Variants in DNAH17 observed in about 807,000 individuals in gnomAD.
The protein encoded by DNAH17 is axonemal beta dynein heavy chain 17.
A neutral mutation model predicts 485.6 loss-of-function variants in DNAH17; 376 were observed. The observed-to-expected ratio is 0.77, with a 90% CI of 0.71 to 0.84. DNAH17 has a LOEUF of 0.84. DNAH17 is among the 40% of genes least tolerant of loss of function. The pLI is 0.00. For synonymous variants in DNAH17, 3,031 were observed against 2,405.9 expected (o/e 1.26, Z -7.60); for missense variants, 6,370 against 5,839.3 (o/e 1.09, Z -2.96).
chr17:78,575,337 AC>A (rs2092418404), intron 1 of DNAH17, among the ~76,000 whole-genome samples: 1 of 152,210 alleles, frequency 6.6e-6, no homozygotes, highest in African/African-American at 2.4e-5. Context: ...CAATCCTGTG[AC>A]CATAAAGTTC....
intron 49 of DNAH17, among the ~76,000 whole-genome samples, chr17:78,480,201 T>C (rs887473505): frequency 3.3e-5 from 5 of 151,804 alleles, no homozygotes; most frequent in Non-Finnish European, 5.9e-5. Flanking sequence ...ATACAAAAAT[T>C]AGCCAGGTGT....
intron 46 of DNAH17, 74 bp from the exon 47 acceptor site, chr17:78,485,831 G>T: frequency 6.3e-7 from 1 of 1,581,240 alleles, no homozygotes; most frequent in Non-Finnish European, 8.6e-7. Flanking sequence ...TGCAGGCCAT[G>T]TTCTACCGAA....
intron 12 of DNAH17, 90 bp downstream of exon 12, chr17:78,561,625 G>A: frequency 7.7e-6 from 11 of 1,427,060 alleles, no homozygotes; most frequent in African/African-American, 1.4e-5. Flanking sequence ...TCGACAGGAG[G>A]GGTGGTCCCG....
intron 25 of DNAH17, among the ~76,000 whole-genome samples, chr17:78,523,482 T>G (rs947675844): frequency 2.0e-5 from 3 of 152,146 alleles, no homozygotes; most frequent in Non-Finnish European, 2.9e-5. Context: ...TATTTTATTT[T>G]TACAAGGGAC....
At chr17:78,559,493 C>T (rs370205969) in intron 13 of DNAH17, among the ~76,000 whole-genome samples, 6 of 152,282 alleles carry the variant, frequency 3.9e-5, no homozygotes, top group African/African-American at 1.4e-4. Flanking sequence ...TATTCAAGTC[C>T]AGAAGCTCAC....
At chr17:78,443,615 T>C (rs902791121) in intron 71 of DNAH17, among the ~76,000 whole-genome samples, 4 of 152,138 alleles carry the variant, frequency 2.6e-5, no homozygotes, top group Non-Finnish European at 5.9e-5. Context: ...AGTGGCACAA[T>C]CTCGGCCCAC....
chr17:78,434,064 TGATGGA>T lies in DNAH17; in HGVS notation c.12184_12189del (p.Ser4062_Ile4063del), dbSNP rs769547563. The T allele has an allele frequency of 6.2e-7, 1 of 1,612,810 alleles. No individual in the cohort carries two copies. Among genetic ancestry groups the T allele is most frequent in the East Asian group, 2.2e-5 (1 of 44,838 alleles). On this transcript the variant is annotated inframe_deletion, in exon 75 of 81. Coordinates refer to ENST00000389840, the MANE Select transcript of DNAH17 (RefSeq NM_173628.4). Reference sequence around the variant, plus strand: ...GCCTCCAGGTAGTTGTAGAGCACGTTGATGGAGATGGTGAGGTCCCCGTTGTTGAAG... The same window carrying T: ...GCCTCCAGGTAGTTGTAGAGCACGTTGATGGTGAGGTCCCCGTTGTTGAAG...
At chr17:78,539,597 G>C in intron 18 of DNAH17, 140 bp downstream of exon 18, 1 of 786,982 alleles carries the variant, frequency 1.3e-6, no homozygotes, top group South Asian at 2.7e-5. Context: ...TTTAAAACCA[G>C]GTCAAGTAGA....
At chr17:78,492,841 G>T (rs541380728) in intron 41 of DNAH17, 76 bp from the exon 42 acceptor site, 264 of 1,128,084 alleles carry the variant, frequency 2.3e-4, no homozygotes, top group Non-Finnish European at 2.2e-4. Context: ...CAGGACCATG[G>T]GTGGGCCTGG....
In DNAH17 at chr17:78,427,212, A is replaced by C; in HGVS notation, c.12589-104T>G. 4 of 1,142,666 alleles carry C rather than the reference A, an allele frequency of 3.5e-6. No homozygotes were observed. In the South Asian group the frequency reaches 4.2e-5, roughly 12 times the overall value. The allele number at this position is 1,142,666 out of a possible 1,614,324, so 70.8% of individuals were successfully genotyped here. On this transcript the variant is annotated intron_variant, in intron 77 of 80. Transcript: ENST00000389840. ...AAATGTTCCCAGCCCCAAGTCCTGG[A>C]GAGGAGGGAAGAGGCAAGTAGAGTT...
chr17:78,533,779 G>A (rs1031100755), intron 19 of DNAH17, among the ~76,000 whole-genome samples: 9 of 152,116 alleles, frequency 5.9e-5, no homozygotes, highest in Admixed American at 2.0e-4. Flanking sequence ...CTGCCTCCCA[G>A]GTTCAAGTGA....
In DNAH17 at chr17:78,468,659, T is replaced by C. The variant is rs865813855; in HGVS notation, c.8736A>G (p.Thr2912=). Residue 2912 remains threonine, a synonymous_variant, in exon 55 of 81, where the codon ACA becomes ACG. Transcript: ENST00000389840. The stretch of plus-strand genomic sequence containing the variant: ...CTTTTTCGATGAAGAACTTCCAACA[T>C]GTTTCCCGAGTGTCATTCATGCCAA... ...KSLGMNDTRE[T]CWKFFIEKVR... The C allele has an allele frequency of 6.8e-6, 11 of 1,613,844 alleles. No individual in the cohort carries two copies. Among genetic ancestry groups the C allele is most frequent in the Non-Finnish European group, 8.5e-6 (10 of 1,179,860 alleles).
chr17:78,543,610 A>C, intron 17 of DNAH17: 1 of 551,338 alleles, frequency 1.8e-6, no homozygotes, highest in Non-Finnish European at 3.2e-6. Context: ...TTTTTAGTAA[A>C]GGCAGGGTTT....
intron 30 of DNAH17, among the ~76,000 whole-genome samples, chr17:78,505,791 C>T (rs1411060757): frequency 6.6e-6 from 1 of 152,052 alleles, no homozygotes; most frequent in Non-Finnish European, 1.5e-5. Flanking sequence ...CCAGCCTGAC[C>T]AATGTGGAGA....
At chr17:78,465,162 C>T (rs893056542) in intron 56 of DNAH17, among the ~76,000 whole-genome samples, 7 of 152,226 alleles carry the variant, frequency 4.6e-5, no homozygotes, top group Non-Finnish European at 1.0e-4. Flanking sequence ...CAGCCCCTAA[C>T]CGCAAGTGAT....
intron 20 of DNAH17, 131 bp from the exon 21 acceptor site, chr17:78,530,643 G>A: frequency 1.8e-6 from 2 of 1,084,852 alleles, no homozygotes; most frequent in East Asian, 4.8e-5. Context: ...TGGGGCCAGG[G>A]TCAGCAAAGG....
intron 22 of DNAH17, among the ~76,000 whole-genome samples, chr17:78,527,481 C>T (rs982791178): frequency 1.1e-4 from 16 of 152,182 alleles, no homozygotes; most frequent in African/African-American, 3.9e-4. Flanking sequence ...ACTCACCTTT[C>T]ATCATGTTTT....
chr17:78,428,603 C>G lies in DNAH17; in HGVS notation c.12510G>C (p.Lys4170Asn), dbSNP rs374245578. The G allele has an allele frequency of 1.2e-6, 2 of 1,613,878 alleles. No individual in the cohort carries two copies. Among genetic ancestry groups the G allele is most frequent in the Non-Finnish European group, 1.7e-6 (2 of 1,179,908 alleles). Residue 4170 changes from lysine (K) to asparagine (N), a missense_variant, in exon 77 of 81, where the codon AAG becomes AAC. By Grantham distance (94) the Lys-to-Asn change is moderately conservative. Transcript: ENST00000389840. ...GCATTTCCAGGACAGTGCGGAACAG[C>G]TTCTCTGAGGTGACCGTCAGAAAGC... is the stretch of plus-strand genomic sequence containing the variant. Reference protein sequence around the residue: ...EIGFLTVTSEKLFRTVLEMQP... With the variant: ...EIGFLTVTSENLFRTVLEMQP...
intron 11 of DNAH17, among the ~76,000 whole-genome samples, chr17:78,564,201 G>A (rs942952203): frequency 5.3e-5 from 8 of 152,046 alleles, no homozygotes; most frequent in African/African-American, 1.2e-4. Flanking sequence ...CCCCACTGCC[G>A]GATCCCCTAG....
Sources: allele counts gnomAD v4.1 joint callset (sites outside exome capture counted in the v4.1 genomes callset), GRCh38; gene constraint gnomAD v4.1.1; transcripts MANE v1.5; gene names NCBI Gene and HGNC (gene_info 2026-07-23, HGNC 2026-07-21).